Variants in ACSF2 observed in about 807,000 individuals in gnomAD.
ACSF2 encodes medium-chain acyl-CoA ligase ACSF2, mitochondrial.
Under a neutral mutation model 79.3 loss-of-function variants are expected in ACSF2, and 52 were observed. The observed-to-expected ratio is 0.66, with a 90% CI of 0.53 to 0.83. ACSF2 has a LOEUF of 0.83. ACSF2 is among the 40% of genes least tolerant of loss of function. The probability of loss-of-function intolerance (pLI) is 0.00; values close to 1 mark genes in which losing one functional copy is unlikely to be tolerated. For synonymous variants in ACSF2, 283 were observed against 312.6 expected (o/e 0.91, Z 1.00); for missense variants, 661 against 803.3 (o/e 0.82, Z 2.14).
At chr17:50,435,587 T>A (rs1426560724) in intron 1 of ACSF2, among the ~76,000 whole-genome samples, 1 of 100,456 alleles carries the variant, frequency 1.0e-5, no homozygotes, top group Non-Finnish European at 2.0e-5. Context: ...ATTTAAAAAA[T>A]TTTTTCATAG....
At chr17:50,465,653 T>G (rs1320431537) in intron 10 of ACSF2, 8 of 1,599,170 alleles carry the variant, frequency 5.0e-6, no homozygotes, top group Non-Finnish European at 6.8e-6. Context: ...GCAGGGCTAA[T>G]GTGCCTCTAT....
intron 1 of ACSF2, among the ~76,000 whole-genome samples, chr17:50,446,455 A>G (rs985293074): frequency 3.3e-5 from 5 of 152,090 alleles, no homozygotes; most frequent in African/African-American, 1.2e-4. Context: ...ACGGGGTTTC[A>G]CCATGTTGGT....
intron 1 of ACSF2, among the ~76,000 whole-genome samples, chr17:50,436,303 G>A (rs1443711297): frequency 2.0e-5 from 3 of 151,170 alleles, no homozygotes; most frequent in African/African-American, 7.3e-5. Flanking sequence ...CTAATTTTTT[G>A]TATTTTTAGT....
intron 10 of ACSF2, chr17:50,469,043 C>G: frequency 7.6e-7 from 1 of 1,316,418 alleles, no homozygotes. Flanking sequence ...TTCCCCCAGC[C>G]GGCTACCGTG....
intron 1 of ACSF2, among the ~76,000 whole-genome samples, chr17:50,443,292 TC>T (rs1445181176): frequency 3.9e-5 from 6 of 152,196 alleles, no homozygotes; most frequent in African/African-American, 1.4e-4. Context: ...CCAAACAGCT[TC>T]TCCCCTTAGA....
At chr17:50,443,458 T>C (rs1412186236) in intron 1 of ACSF2, among the ~76,000 whole-genome samples, 4 of 152,248 alleles carry the variant, frequency 2.6e-5, no homozygotes, top group African/African-American at 9.6e-5. Flanking sequence ...AAGTATCAGA[T>C]TTTGTGCAAA....
chr17:50,463,451 C>G lies in ACSF2; in HGVS notation c.945C>G (p.Ser315=), dbSNP rs142702693. 6.2e-7 allele frequency: 1 copy of G among 1,614,140 alleles called. No individual in the cohort carries two copies. Among genetic ancestry groups the G allele is most frequent in the Non-Finnish European group, 8.5e-7 (1 of 1,180,032 alleles). ...LPNPLYHCLG[S]VAGTMMCLMY... ...ACCCCCTGTACCATTGCCTGGGTTC[C>G]GTGGCAGGCACAATGATGTGTCTGA... The change falls in exon 8 of 16, where the codon TCC becomes TCG. Residue 315 remains serine, a synonymous_variant. Coordinates refer to ENST00000300441, the MANE Select transcript of ACSF2 (RefSeq NM_025149.6). The surrounding 1 kb of genome is among the most constrained non-coding windows in gnomAD (Gnocchi z 4.6).
At chr17:50,458,287 GC>G (rs972270529) in intron 1 of ACSF2, among the ~76,000 whole-genome samples, 1 of 152,078 alleles carries the variant, frequency 6.6e-6, no homozygotes, top group Admixed American at 6.5e-5. Flanking sequence ...ATTCTTCCAG[GC>G]CCAATGTCCT....
chr17:50,463,875 C>G lies in ACSF2; in HGVS notation c.1104C>G (p.Asp368Glu). The G allele has an allele frequency of 6.2e-7, 1 of 1,614,182 alleles. No homozygotes were observed. Among genetic ancestry groups the G allele is most frequent in the South Asian group, 1.1e-5 (1 of 91,080 alleles). The change falls in exon 9 of 16, where the codon GAC (aspartate) becomes GAG (glutamate). Residue 368 changes from aspartate (D) to glutamate (E), a missense_variant. Transcript: ENST00000300441. The surrounding 1 kb of genome is among the most constrained non-coding windows in gnomAD (Gnocchi z 4.6). ...TCGTGGACATTCTGAACCAGCCAGA[C>G]TTCTCCAGTTATGACATCTCGACCA... The part of the protein sequence containing the change: ...TMFVDILNQP[D>E]FSSYDISTMC...
chr17:50,469,264 C>T (rs2032977113), intron 10 of ACSF2, among the ~76,000 whole-genome samples: 2 of 152,382 alleles, frequency 1.3e-5, no homozygotes, highest in Admixed American at 6.5e-5. Flanking sequence ...CTCCACGCCG[C>T]GCCATCCACA....
At chr17:50,464,395 C>T in intron 10 of ACSF2, 101 bp downstream of exon 10, 1 of 1,191,546 alleles carries the variant, frequency 8.4e-7, no homozygotes, top group South Asian at 1.2e-5. Context: ...TCAAAGGAGA[C>T]CCTCTCAGCC....
In ACSF2 at chr17:50,426,385, C is replaced by T; in HGVS notation, c.124C>T (p.Leu42Phe). 1 of 1,359,374 alleles carries T rather than the reference C, an allele frequency of 7.4e-7. No homozygotes were observed. The highest frequency in any genetic ancestry group is 1.5e-5 in the African/African-American group (1 of 66,694). 84.2% of individuals were successfully genotyped at this position (1,359,374 alleles called of 1,614,324 possible). ...QEARLQGVRF[L>F]SSREVDRMVS... ...AGCCAGGTTGCAGGGTGTCCGCTTCCTCAGGTACTGGCCCCCCGCGGGAAG... is the reference window on the plus strand; with the variant it reads ...AGCCAGGTTGCAGGGTGTCCGCTTCTTCAGGTACTGGCCCCCCGCGGGAAG... The change falls in exon 1 of 16, where the codon CTC (leucine) becomes TTC (phenylalanine). Residue 42 changes from leucine to phenylalanine, a missense_variant. Leu to Phe is a conservative substitution (Grantham distance 22). Transcript: ENST00000300441.
intron 1 of ACSF2, among the ~76,000 whole-genome samples, chr17:50,453,216 T>C (rs907236747): frequency 6.6e-6 from 1 of 152,044 alleles, no homozygotes; most frequent in Admixed American, 6.6e-5. Context: ...TTAAACATTT[T>C]TTTAAAATTT....
intron 11 of ACSF2, chr17:50,472,178 T>C (rs1297524464): frequency 2.1e-6 from 1 of 486,594 alleles, no homozygotes; most frequent in African/African-American, 2.0e-5. Flanking sequence ...GCCTGCCCAC[T>C]CTGTTTCCTC....
At chr17:50,443,072 G>T (rs2031053464) in intron 1 of ACSF2, among the ~76,000 whole-genome samples, 1 of 151,994 alleles carries the variant, frequency 6.6e-6, no homozygotes, top group Non-Finnish European at 1.5e-5. Flanking sequence ...ACCATGCCCG[G>T]CTAATTTTTG....
chr17:50,467,927 C>G, intron 10 of ACSF2: 1 of 1,123,348 alleles, frequency 8.9e-7, no homozygotes, highest in Non-Finnish European at 1.3e-6. Flanking sequence ...TTGGAGATAG[C>G]CAGAGGGACA....
intron 6 of ACSF2, chr17:50,462,945 G>A (rs1375851998): frequency 3.3e-6 from 2 of 597,028 alleles, no homozygotes; most frequent in Non-Finnish European, 5.9e-6. Context: ...TCTGGGCCAT[G>A]TAAGTGGCAT....
At chr17:50,429,571 G>A (rs1915337581) in intron 1 of ACSF2, among the ~76,000 whole-genome samples, 1 of 151,402 alleles carries the variant, frequency 6.6e-6, no homozygotes, top group African/African-American at 2.4e-5. Context: ...CCAGGCTGGA[G>A]TGCAATGGCA....
chr17:50,426,325 G>A lies in ACSF2; in HGVS notation c.64G>A (p.Gly22Arg). The A allele has an allele frequency of 2.1e-6, 3 of 1,420,626 alleles. No homozygotes were observed. The highest frequency in any genetic ancestry group is 2.8e-6 in the Non-Finnish European group (3 of 1,080,626). 88.0% of individuals were successfully genotyped at this position (1,420,626 alleles called of 1,614,324 possible). ...RLCAGSSGVLGARAALSRSWQ... is the reference protein window; with the variant it reads ...RLCAGSSGVLRARAALSRSWQ... ...GTGCGCCGGGAGCTCGGGGGTGCTG[G>A]GGGCCCGGGCCGCCCTCTCTCGGAG... is the stretch of plus-strand genomic sequence containing the variant. The change falls in exon 1 of 16, where the codon GGG (glycine) becomes AGG (arginine). Residue 22 changes from glycine (G) to arginine (R), a missense_variant. Coordinates refer to ENST00000300441, the MANE Select transcript of ACSF2 (RefSeq NM_025149.6).
Sources: allele counts gnomAD v4.1 joint callset (sites outside exome capture counted in the v4.1 genomes callset), GRCh38; gene constraint gnomAD v4.1.1; non-coding constraint Gnocchi (gnomAD v3.1); transcripts MANE v1.5; gene names NCBI Gene and HGNC (gene_info 2026-07-23, HGNC 2026-07-21).